Variants in EDIL3 observed in about 807,000 individuals in gnomAD.
The protein encoded by EDIL3 is EGF like and discoidin domains 3, also known as EGF-like repeat and discoidin I-like domain-containing protein 3.
Under a neutral mutation model 67.4 loss-of-function variants are expected in EDIL3, and 37 were observed. The ratio of observed to expected loss-of-function variants is 0.55; its 90% CI spans 0.42 to 0.72. EDIL3 has a LOEUF of 0.72. EDIL3 is among the 30% of genes least tolerant of loss of function. EDIL3 has a pLI of 0.00. For synonymous variants in EDIL3, 195 were observed against 196.3 expected, an observed-to-expected ratio of 0.99 and a Z score of 0.05; for missense variants, 527 against 586.3, an observed-to-expected ratio of 0.90 and a Z score of 1.04.
intron 1 of EDIL3, among the ~76,000 whole-genome samples, chr5:84,373,100 C>T (rs1415166861): frequency 6.6e-6 from 1 of 152,078 alleles, no homozygotes; most frequent in African/African-American, 2.4e-5. Context: ...TCTCTAAAAA[C>T]GCCCAGTTTT....
chr5:83,986,817 C>T (rs1745064714), intron 9 of EDIL3, among the ~76,000 whole-genome samples: 1 of 151,992 alleles, frequency 6.6e-6, no homozygotes, highest in African/African-American at 2.4e-5. Context: ...AGGAGAAGTG[C>T]ACTTGCAAAT....
rs1459465379 is a variant in EDIL3 at position 83,943,326 on chromosome 5, A to C, written c.*93T>G. ...GCACTTTTTCATGAAAAAAAAAAAA[A>C]AACCATTCAGTTTCCTACAGATTTT... On this transcript the variant is annotated 3_prime_UTR_variant, in exon 11 of 11. Transcript: ENST00000296591. 4 of 1,543,550 alleles carry C rather than the reference A, an allele frequency of 2.6e-6. No individual in the cohort carries two copies. In the East Asian group the frequency reaches 9.1e-5, roughly 35 times the overall value.
At chr5:84,035,115 C>T (rs1212868256) in intron 9 of EDIL3, among the ~76,000 whole-genome samples, 1 of 151,972 alleles carries the variant, frequency 6.6e-6, no homozygotes, top group African/African-American at 2.4e-5. Context: ...CTGAATTCCA[C>T]ATCAGAATTC....
chr5:83,965,129 T>C (rs1024148250), intron 9 of EDIL3, among the ~76,000 whole-genome samples: 4 of 152,090 alleles, frequency 2.6e-5, no homozygotes, highest in Non-Finnish European at 4.4e-5. Flanking sequence ...GGATCAGTCA[T>C]TGATTTTTGC....
At chr5:84,285,179 C>T (rs1310939225) in intron 1 of EDIL3, among the ~76,000 whole-genome samples, 2 of 152,138 alleles carry the variant, frequency 1.3e-5, no homozygotes, top group South Asian at 2.1e-4. Flanking sequence ...ATCATGAACA[C>T]TTACATAACC....
At chr5:84,040,080 G>A (rs548361393) in intron 9 of EDIL3, among the ~76,000 whole-genome samples, 1 of 152,244 alleles carries the variant, frequency 6.6e-6, no homozygotes, top group African/African-American at 2.4e-5. Context: ...TATTGAGATA[G>A]TAACAGATGG....
rs140716640 is a variant in EDIL3 at position 84,001,650 on chromosome 5, C to T, written c.1138-38290G>A. 1.9e-3 allele frequency among the ~76,000 whole-genome samples: 295 copies of T among 152,026 alleles called. 2 individuals carry two copies. Among genetic ancestry groups the T allele is most frequent in the African/African-American group, 6.4e-3 (267 of 41,486 alleles). On this transcript the variant is annotated intron_variant, in intron 9 of 10. Coordinates refer to ENST00000296591, the MANE Select transcript of EDIL3 (RefSeq NM_005711.5). ...CAGAAATTCAAAGGATTACTAGAGACCATTAATATCAACTATATGCCAGCA... is the reference window on the plus strand; with the variant it reads ...CAGAAATTCAAAGGATTACTAGAGATCATTAATATCAACTATATGCCAGCA...
chr5:84,358,492 A>AGG (rs1283799149), intron 1 of EDIL3, among the ~76,000 whole-genome samples: 2 of 152,072 alleles, frequency 1.3e-5, no homozygotes, highest in Non-Finnish European at 2.9e-5. Context: ...GAAGGAGTAA[A>AGG]ACATCTCTCA....
intron 2 of EDIL3, among the ~76,000 whole-genome samples, chr5:84,248,922 G>T (rs180952108): frequency 0.011 from 1,624 of 152,176 alleles, 19 homozygotes; most frequent in Middle Eastern, 0.034. Flanking sequence ...CCTTCAAATT[G>T]TCCCCCTGCT....
intron 9 of EDIL3, among the ~76,000 whole-genome samples, chr5:84,034,921 A>G (rs1278245022): frequency 6.6e-6 from 1 of 152,184 alleles, no homozygotes; most frequent in Non-Finnish European, 1.5e-5. Context: ...CTGTAGGCCT[A>G]AGTGAGTACA....
rs190313192 is a variant in EDIL3, at chr5:84,075,726, C to T, written c.652-9120G>A. Among the ~76,000 whole-genome samples, 424 of 152,174 alleles carry T rather than the reference C, an allele frequency of 2.8e-3. 1 individual carries two copies. The highest frequency in any genetic ancestry group is 9.7e-3 in the African/African-American group (401 of 41,520). ...TCAACCTCAGGTGATCTGCCCGTCT[C>T]GGCCTCCCAGAGTGCTGGGATTACA... On this transcript the variant is annotated intron_variant, in intron 6 of 10. Coordinates refer to ENST00000296591, the MANE Select transcript of EDIL3 (RefSeq NM_005711.5).
chr5:84,261,240 T>C (rs1159392224), intron 1 of EDIL3, among the ~76,000 whole-genome samples: 1 of 152,200 alleles, frequency 6.6e-6, no homozygotes, highest in East Asian at 1.9e-4. Context: ...CTCAAATTGG[T>C]AAAACTCACA....
chr5:84,218,497 A>G (rs2112397308), intron 3 of EDIL3, among the ~76,000 whole-genome samples: 1 of 152,350 alleles, frequency 6.6e-6, no homozygotes, highest in East Asian at 1.9e-4. Context: ...TCCTCCCTGC[A>G]AGAACACCAG....
At chr5:84,084,118 C>T (rs1747025951) in intron 6 of EDIL3, among the ~76,000 whole-genome samples, 1 of 151,938 alleles carries the variant, frequency 6.6e-6, no homozygotes, top group South Asian at 2.1e-4. Flanking sequence ...TCAAACACTC[C>T]TATATAGCAA....
At chr5:84,229,281 T>C (rs1331767841) in intron 3 of EDIL3, among the ~76,000 whole-genome samples, 1 of 152,194 alleles carries the variant, frequency 6.6e-6, no homozygotes, top group Non-Finnish European at 1.5e-5. Context: ...CTGTGTTTGA[T>C]AAATACTAAT....
At chr5:84,116,938 T>C (rs759749060) in intron 5 of EDIL3, among the ~76,000 whole-genome samples, 4 of 152,048 alleles carry the variant, frequency 2.6e-5, no homozygotes, top group Non-Finnish European at 5.9e-5. Flanking sequence ...AATATGAAAG[T>C]TGACTTCTGT....
chr5:84,291,822 T>TAC (rs552253240), intron 1 of EDIL3, among the ~76,000 whole-genome samples: 38 of 146,384 alleles, frequency 2.6e-4, no homozygotes, highest in African/African-American at 7.0e-4. Context: ...CACATATATA[T>TAC]ACACACACAT....
At position 84,037,554 on chromosome 5, in the gene EDIL3, T is replaced by C. The variant is rs144931745; in HGVS notation, c.1137+22746A>G. Among the ~76,000 whole-genome samples, 474 of 152,324 alleles carry C rather than the reference T, an allele frequency of 3.1e-3. 5 individuals carry two copies. Among genetic ancestry groups the C allele is most frequent in the Admixed American group, 0.026 (398 of 15,298 alleles). ...CTGGAAAGTTAATATATTTATGTGATATATAAACAGATTTCAGTATATTTT... is the reference window on the plus strand; with the variant it reads ...CTGGAAAGTTAATATATTTATGTGACATATAAACAGATTTCAGTATATTTT... On this transcript the variant is annotated intron_variant, in intron 9 of 10. Transcript: ENST00000296591.
chr5:84,114,329 T>A (rs144229076), intron 5 of EDIL3, among the ~76,000 whole-genome samples: 3 of 152,070 alleles, frequency 2.0e-5, no homozygotes, highest in African/African-American at 4.8e-5. Flanking sequence ...AGGGCCTGAA[T>A]ATTCCAGTTC....
Sources: gnomAD v4.1 joint callset for allele counts (sites outside exome capture counted in the v4.1 genomes callset) on GRCh38, gnomAD v4.1.1 for gene constraint, MANE v1.5 for transcripts, NCBI Gene and HGNC (gene_info 2026-07-23, HGNC 2026-07-21) for gene names.